The following ZNF121 variants were observed in gnomAD, a reference collection of about 807,000 sequenced individuals.
ZNF121 encodes zinc finger protein 121.
In ZNF121, 1 loss-of-function variant was observed where a neutral mutation model predicts 2.4. That is an observed-to-expected ratio of 0.41 (90% CI 0.15 to 1.94). The LOEUF (loss-of-function observed/expected upper bound fraction) is 1.94. Ranked by LOEUF, ZNF121 falls within the 30% of genes most tolerant of loss-of-function variation. The probability of loss-of-function intolerance (pLI) is 0.30; values close to 1 mark genes in which losing one functional copy is unlikely to be tolerated. For synonymous variants in ZNF121, 173 were observed against 158.6 expected, an observed-to-expected ratio of 1.09 and a Z score of -0.68; for missense variants, 369 against 466.3, an observed-to-expected ratio of 0.79 and a Z score of 1.92.
chr19:9,580,728 C>T (rs1489970206), intron 1 of ZNF121, among the ~76,000 whole-genome samples: 1 of 152,218 alleles, frequency 6.6e-6, no homozygotes, highest in Non-Finnish European at 1.5e-5. Flanking sequence ...CAATGATACT[C>T]AACGTGTCCA....
rs2074098811 is a variant in ZNF121 at position 9,561,173 on chromosome 19, ATGTCTT to A, written c.*4761_*4766del. 6.6e-6 allele frequency: 1 copy of A among 152,180 alleles called. No homozygotes were observed. The highest frequency in any genetic ancestry group is 1.5e-5 in the Non-Finnish European group (1 of 68,024). The allele number at this position is 152,180 out of a possible 1,614,324, so 9.4% of individuals were successfully genotyped here. Reference sequence around the variant, plus strand: ...TGTGGATACGTATATATAATTTTGTATGTCTTTGCCATATCCTCCATAGAGAAGACC... The same window carrying A: ...TGTGGATACGTATATATAATTTTGTATGCCATATCCTCCATAGAGAAGACC... On this transcript the variant is annotated 3_prime_UTR_variant, in exon 4 of 4. Transcript: ENST00000320451.
chr19:9,581,200 A>C (rs2074246292), intron 1 of ZNF121, among the ~76,000 whole-genome samples: 1 of 152,240 alleles, frequency 6.6e-6, no homozygotes, highest in African/African-American at 2.4e-5. Context: ...GATTCTTAGC[A>C]AAGCAATTTT....
intron 1 of ZNF121, among the ~76,000 whole-genome samples, chr19:9,569,844 T>A (rs893981496): frequency 6.6e-6 from 1 of 151,218 alleles, no homozygotes; most frequent in African/African-American, 2.4e-5. Context: ...AGATCTTTTT[T>A]TTTTTTTTTT....
Position 9,566,960 on chromosome 19 carries a change from T to C in ZNF121, c.153A>G (p.Leu51=), listed in dbSNP as rs1056280632. Residue 51 remains leucine (L), a synonymous_variant, in exon 4 of 4, where the codon TTA becomes TTG. Transcript: ENST00000320451. ...CDEYGENFPM[L]HNSAPAGETL... Reference sequence around the variant, plus strand: ...TCTCTCCAGCAGGGGCACTGTTGTGTAACATGGGAAAGTTTTCTCCATACT... The same window carrying C: ...TCTCTCCAGCAGGGGCACTGTTGTGCAACATGGGAAAGTTTTCTCCATACT... The C allele has an allele frequency of 3.1e-6, 5 of 1,614,102 alleles. No individual in the cohort carries two copies. The Admixed American group carries it at 8.3e-5, about 27-fold the overall frequency.
chr19:9,568,119 G>T lies in ZNF121; in HGVS notation c.-22C>A, dbSNP rs1599735569. On this transcript the variant is annotated 5_prime_UTR_variant, in exon 3 of 4. Coordinates refer to ENST00000320451, the MANE Select transcript of ZNF121 (RefSeq NM_001008727.5). ...CCATTTGTATGCCGTTTGATGTTTT[G>T]TTAAGCCAAAAAAAAATGTTGTTGA... 1.3e-6 allele frequency: 2 copies of T among 1,528,606 alleles called. No homozygotes were observed. Among genetic ancestry groups the T allele is most frequent in the Admixed American group, 1.8e-5 (1 of 56,894 alleles). 94.7% of individuals were successfully genotyped at this position (1,528,606 alleles called of 1,614,324 possible). A position where few individuals can be genotyped will look rare whatever the true frequency, so the allele number is the denominator to read the frequency against.
At chr19:9,569,861 C>A (rs570766325) in intron 1 of ZNF121, among the ~76,000 whole-genome samples, 3 of 129,522 alleles carry the variant, frequency 2.3e-5, no homozygotes, top group South Asian at 2.4e-4. Context: ...TTTTTTTTTA[C>A]GATATCGTCA....
rs976845214 is a variant in ZNF121, at chr19:9,563,213, A to C, written c.*2727T>G. The C allele has an allele frequency of 6.6e-6, 1 of 152,160 alleles. No homozygotes were observed. Among genetic ancestry groups the C allele is most frequent in the Non-Finnish European group, 1.5e-5 (1 of 68,040 alleles). The allele number at this position is 152,160 out of a possible 1,614,324, so 9.4% of individuals were successfully genotyped here. A position where few individuals can be genotyped will look rare whatever the true frequency, so the allele number is the denominator to read the frequency against. ...AAAACAGCCTCACCACTAACACGGA[A>C]TAAGTTTTAGTGGTCTGGATAGAAG... On this transcript the variant is annotated 3_prime_UTR_variant, in exon 4 of 4. Transcript: ENST00000320451.
chr19:9,575,679 G>A (rs1211896984), intron 1 of ZNF121, among the ~76,000 whole-genome samples: 3 of 151,756 alleles, frequency 2.0e-5, no homozygotes, highest in African/African-American at 7.3e-5. Context: ...GGAGATGGAG[G>A]TTGCAGTGAG....
intron 1 of ZNF121, among the ~76,000 whole-genome samples, chr19:9,576,881 G>A (rs2074213700): frequency 6.6e-6 from 1 of 152,060 alleles, no homozygotes; most frequent in African/African-American, 2.4e-5. Flanking sequence ...AAATTATTGG[G>A]CGCATACAAC....
In ZNF121 at chr19:9,566,129, A is replaced by G. The variant is rs2074130221; in HGVS notation, c.984T>C (p.Ile328=). The change falls in exon 4 of 4, where the codon ATT becomes ATC. Residue 328 remains isoleucine, a synonymous_variant. Transcript: ENST00000320451. ...CTCCAGTGTGAGTTCTTATATGTTCAATGAGTTGTGAAGATGTAGCAAAGG... is the reference window on the plus strand; with the variant it reads ...CTCCAGTGTGAGTTCTTATATGTTCGATGAGTTGTGAAGATGTAGCAAAGG... The part of the protein sequence containing the change: ...GKAFATSSQL[I]EHIRTHTGEK... The G allele has an allele frequency of 1.2e-6, 2 of 1,614,104 alleles. No individual in the cohort carries two copies. The highest frequency in any genetic ancestry group is 8.5e-7 in the Non-Finnish European group (1 of 1,180,006).
In ZNF121 at chr19:9,565,387, A is replaced by AAAAAAAAAAAT. The variant is rs1369472195; in HGVS notation, c.*552_*553insATTTTTTTTTT. On this transcript the variant is annotated 3_prime_UTR_variant, in exon 4 of 4. Transcript: ENST00000320451. The stretch of plus-strand genomic sequence containing the variant: ...AAAAAAAAAAAAAAAAAAAAAAAAA[A>AAAAAAAAAAAT]GGCCAGGAGCAGTGGCTCACTCCTA... 4.3e-5 allele frequency: 6 copies of AAAAAAAAAAAT among 139,724 alleles called. No individual in the cohort carries two copies. The highest frequency in any genetic ancestry group is 7.7e-5 in the Non-Finnish European group (5 of 64,958). The allele number at this position is 139,724 out of a possible 1,614,324, so 8.7% of individuals were successfully genotyped here.
chr19:9,575,445 A>G (rs921915750), intron 1 of ZNF121, among the ~76,000 whole-genome samples: 2 of 150,510 alleles, frequency 1.3e-5, no homozygotes, highest in African/African-American at 4.9e-5. Context: ...ACAAAAAGAG[A>G]TAAAGAAGGT....
intron 1 of ZNF121, among the ~76,000 whole-genome samples, chr19:9,572,148 CCT>C (rs1185146800): frequency 6.6e-6 from 1 of 152,128 alleles, no homozygotes; most frequent in South Asian, 2.1e-4. Flanking sequence ...GTTTCAATCC[CCT>C]GACAGAAAAC....
Position 9,564,083 on chromosome 19 carries a change from T to C in ZNF121, c.*1857A>G, listed in dbSNP as rs1401004076. ...ATTTAAGAAATACATTTCATAAGGC[T>C]ATAGCTGCCACTAATAATGCTTCTT... On this transcript the variant is annotated 3_prime_UTR_variant, in exon 4 of 4. Transcript: ENST00000320451. 1 of 152,214 alleles carries C rather than the reference T, an allele frequency of 6.6e-6. No individual in the cohort carries two copies. Among genetic ancestry groups the C allele is most frequent in the Non-Finnish European group, 1.5e-5 (1 of 68,042 alleles). The allele number at this position is 152,214 out of a possible 1,614,324, so 9.4% of individuals were successfully genotyped here.
intron 1 of ZNF121, among the ~76,000 whole-genome samples, chr19:9,572,908 A>G (rs1474745685): frequency 6.6e-6 from 1 of 152,152 alleles, no homozygotes; most frequent in African/African-American, 2.4e-5. Flanking sequence ...TCACCTACTC[A>G]GGAGGCTGAG....
chr19:9,581,124 T>C (rs1230062824), intron 1 of ZNF121, among the ~76,000 whole-genome samples: 1 of 152,226 alleles, frequency 6.6e-6, no homozygotes, highest in Non-Finnish European at 1.5e-5. Context: ...ATTGTATGAC[T>C]TTCTAAGAGA....
chr19:9,564,059 T>C lies in ZNF121; in HGVS notation c.*1881A>G, dbSNP rs1029834713. 2 of 152,254 alleles carry C rather than the reference T, an allele frequency of 1.3e-5. No homozygotes were observed. The highest frequency in any genetic ancestry group is 4.8e-5 in the African/African-American group (2 of 41,462). The allele number at this position is 152,254 out of a possible 1,614,324, so 9.4% of individuals were successfully genotyped here. On this transcript the variant is annotated 3_prime_UTR_variant, in exon 4 of 4. Coordinates refer to ENST00000320451, the MANE Select transcript of ZNF121 (RefSeq NM_001008727.5). ...TAATTCTGACTTTCAAGTCTTATTATTTAAGAAATACATTTCATAAGGCTA... is the reference window on the plus strand; with the variant it reads ...TAATTCTGACTTTCAAGTCTTATTACTTAAGAAATACATTTCATAAGGCTA...
Position 9,564,972 on chromosome 19 carries a change from C to T in ZNF121, c.*968G>A, listed in dbSNP as rs975079787. 1 of 152,166 alleles carries T rather than the reference C, an allele frequency of 6.6e-6. No individual in the cohort carries two copies. The highest frequency in any genetic ancestry group is 1.5e-5 in the Non-Finnish European group (1 of 68,036). 9.4% of individuals were successfully genotyped at this position (152,166 alleles called of 1,614,324 possible). On this transcript the variant is annotated 3_prime_UTR_variant, in exon 4 of 4. Coordinates refer to ENST00000320451, the MANE Select transcript of ZNF121 (RefSeq NM_001008727.5). ...CCAAAGTCTCACATGATCATTAGCA[C>T]TTTTTGGCAATAAAGTATTTTAAAC...
At position 9,563,726 on chromosome 19, in the gene ZNF121, G is replaced by C. The variant is rs2144801057; in HGVS notation, c.*2214C>G. On this transcript the variant is annotated 3_prime_UTR_variant, in exon 4 of 4. Coordinates refer to ENST00000320451, the MANE Select transcript of ZNF121 (RefSeq NM_001008727.5). ...AGGTGTAAGCCACTTTTCCCAGCCT[G>C]GGCTGGCTTTCTTGTTAGAGGTCAA... 6.6e-6 allele frequency: 1 copy of C among 152,302 alleles called. No homozygotes were observed. Among genetic ancestry groups the C allele is most frequent in the South Asian group, 2.1e-4 (1 of 4,822 alleles). The allele number at this position is 152,302 out of a possible 1,614,324, so 9.4% of individuals were successfully genotyped here. A position where few individuals can be genotyped will look rare whatever the true frequency, so the allele number is the denominator to read the frequency against.
Sources: allele counts gnomAD v4.1 joint callset (sites outside exome capture counted in the v4.1 genomes callset), GRCh38; gene constraint gnomAD v4.1.1; transcripts MANE v1.5; gene names NCBI Gene and HGNC (gene_info 2026-07-23, HGNC 2026-07-21).